Variants in CNTRL observed in about 807,000 individuals in gnomAD.
The protein encoded by CNTRL is centriolin, also known as 110 kDa centrosomal protein.
In CNTRL, 233 loss-of-function variants were observed where a neutral mutation model predicts 303.7. The observed-to-expected ratio is 0.77, with a 90% confidence interval of 0.69 to 0.86. CNTRL has a LOEUF of 0.86. Among genes scored for constraint, CNTRL ranks in the 40% least tolerant of loss-of-function variants. The pLI, the probability that CNTRL is intolerant of heterozygous loss-of-function variation, is 0.00. For synonymous variants in CNTRL, 900 were observed against 922.2 expected (o/e 0.98, Z 0.44); for missense variants, 2,524 against 2,650.6 (o/e 0.95, Z 1.05).
intron 2 of CNTRL, among the ~76,000 whole-genome samples, chr9:121,087,834 C>T (rs2048406265): frequency 6.6e-6 from 1 of 152,114 alleles, no homozygotes; most frequent in African/African-American, 2.4e-5. Context: ...CAAGGAGGAA[C>T]AAAAGCCAGC....
intron 27 of CNTRL, 137 bp downstream of exon 27, chr9:121,155,050 C>T (rs2052493263): frequency 4.1e-6 from 3 of 725,482 alleles, no homozygotes; most frequent in Non-Finnish European, 7.3e-6. Flanking sequence ...AGGCTGGACT[C>T]TGCTAGTTAA....
rs765481664 is a variant in CNTRL at position 121,175,148 on chromosome 9, C to T, written c.6878C>T (p.Ala2293Val). Residue 2293 changes from alanine (A) to valine (V), a missense_variant, in exon 43 of 44, where the codon GCA (alanine) becomes GTA (valine). Transcript: ENST00000373855. The part of the protein sequence containing the change: ...ALGELVTSTS[A>V]DSASSPSLSQ... Reference sequence around the variant, plus strand: ...GGGGAATTGGTCACCAGCACCTCTGCAGATTCAGCGTCATCACCCAGTCTG... The same window carrying T: ...GGGGAATTGGTCACCAGCACCTCTGTAGATTCAGCGTCATCACCCAGTCTG... The T allele has an allele frequency of 2.5e-6, 4 of 1,614,028 alleles. No homozygotes were observed. The highest frequency in any genetic ancestry group is 2.5e-6 in the Non-Finnish European group (3 of 1,180,036).
chr9:121,095,674 GA>G (rs1181893612), intron 5 of CNTRL, among the ~76,000 whole-genome samples: 1 of 151,556 alleles, frequency 6.6e-6, no homozygotes. Flanking sequence ...AAACTGAAAT[GA>G]AAAAAAATGA....
chr9:121,112,504 T>C lies in CNTRL; in HGVS notation c.1048T>C (p.Tyr350His), dbSNP rs1482511933. 2 of 1,612,800 alleles carry C rather than the reference T, an allele frequency of 1.2e-6. No individual in the cohort carries two copies. The highest frequency in any genetic ancestry group is 2.7e-5 in the African/African-American group (2 of 74,850). ...IELTRACQKQYELEQELAFYK... is the reference protein window; with the variant it reads ...IELTRACQKQHELEQELAFYK... Reference sequence around the variant, plus strand: ...ATTAACACGAGCATGTCAGAAGCAATATGAGCTGGAACAGGAATTGGCCTT... The same window carrying C: ...ATTAACACGAGCATGTCAGAAGCAACATGAGCTGGAACAGGAATTGGCCTT... The change falls in exon 9 of 44, where the codon TAT (tyrosine) becomes CAT (histidine). Residue 350 changes from tyrosine (Y) to histidine (H), a missense_variant. By Grantham distance (83) the Tyr-to-His change is moderately conservative. Coordinates refer to ENST00000373855, the MANE Select transcript of CNTRL (RefSeq NM_007018.6).
intron 1 of CNTRL, among the ~76,000 whole-genome samples, chr9:121,078,880 G>T (rs980741758): frequency 6.6e-6 from 1 of 152,228 alleles, no homozygotes; most frequent in Non-Finnish European, 1.5e-5. Context: ...CCCTCTCTGG[G>T]TGGATTCCCC....
chr9:121,158,583 A>G (rs866491026), intron 30 of CNTRL: 8 of 335,092 alleles, frequency 2.4e-5, no homozygotes, highest in Middle Eastern at 8.3e-4. Context: ...GGGTATAAAA[A>G]TAAAAGTTCT....
chr9:121,147,377 C>T (rs1204613990), intron 23 of CNTRL, among the ~76,000 whole-genome samples: 2 of 152,070 alleles, frequency 1.3e-5, no homozygotes, highest in Admixed American at 1.3e-4. Flanking sequence ...TTATGTAGGC[C>T]ATGAGAAATG....
At chr9:121,127,631 T>A (rs1015119940) in intron 14 of CNTRL, among the ~76,000 whole-genome samples, 1 of 152,160 alleles carries the variant, frequency 6.6e-6, no homozygotes, top group Non-Finnish European at 1.5e-5. Flanking sequence ...TCTCCTCATA[T>A]GTAATTTCTA....
At chr9:121,170,786 A>G (rs2053271760) in intron 39 of CNTRL, among the ~76,000 whole-genome samples, 1 of 152,148 alleles carries the variant, frequency 6.6e-6, no homozygotes, top group Admixed American at 6.5e-5. Context: ...AGTGCCTACA[A>G]ATTTTTCTCA....
chr9:121,174,059 C>G (rs978660215), intron 42 of CNTRL, among the ~76,000 whole-genome samples: 4 of 152,116 alleles, frequency 2.6e-5, no homozygotes, highest in Non-Finnish European at 4.4e-5. Context: ...TTATCATAGG[C>G]CAGTGGTGGC....
intron 34 of CNTRL, 165 bp downstream of exon 34, chr9:121,162,436 CTT>C (rs373673435): frequency 0.02 from 10,301 of 509,268 alleles, no homozygotes; most frequent in East Asian, 0.025. Flanking sequence ...TTCCTTCTAG[CTT>C]TTTTTTTTTT....
intron 26 of CNTRL, among the ~76,000 whole-genome samples, chr9:121,154,047 A>G (rs1177619054): frequency 2.6e-5 from 4 of 152,226 alleles, no homozygotes; most frequent in African/African-American, 9.6e-5. Flanking sequence ...TAAAAGTGTA[A>G]TAAATACTAT....
chr9:121,170,635 T>A (rs2053265860), intron 39 of CNTRL, among the ~76,000 whole-genome samples: 1 of 152,078 alleles, frequency 6.6e-6, no homozygotes, highest in African/African-American at 2.4e-5. Flanking sequence ...TTTGTATTTT[T>A]AGTAGAGACG....
At position 121,142,179 on chromosome 9, in the gene CNTRL, A is replaced by G. The variant is rs1448018487; in HGVS notation, c.2780A>G (p.Glu927Gly). 2.5e-6 allele frequency: 4 copies of G among 1,613,298 alleles called. No individual in the cohort carries two copies. In the South Asian group the frequency reaches 4.4e-5, roughly 18 times the overall value. ...TTGCAAGAAAATCTAAAAAGTATGG[A>G]GGAAATCCAAGGCCTTACAGATCTC... is the stretch of plus-strand genomic sequence containing the variant. ...HYLQENLKSM[E>G]EIQGLTDLQL... The change falls in exon 19 of 44, where the codon GAG becomes GGG. Residue 927 changes from glutamate to glycine, a missense_variant. Glu to Gly is a moderately conservative substitution (Grantham distance 98). Transcript: ENST00000373855.
rs760753373 is a variant in CNTRL at position 121,090,298 on chromosome 9, A to G, written c.241A>G (p.Arg81Gly). The stretch of plus-strand genomic sequence containing the variant: ...AGGAGCTGATTCACATGCAGGAGTT[A>G]GATATATTACAGAGGCCCTCATTAA... ...HKGADSHAGVRYITEALIKKL... is the reference protein window; with the variant it reads ...HKGADSHAGVGYITEALIKKL... The change falls in exon 4 of 44, where the codon AGA (arginine) becomes GGA (glycine). Residue 81 changes from arginine to glycine, a missense_variant. Physicochemically the swap from Arg to Gly is moderately radical, Grantham distance 125 (BLOSUM62 -2). Transcript: ENST00000373855. 7 of 1,609,308 alleles carry G rather than the reference A, an allele frequency of 4.3e-6. No homozygotes were observed. In the Admixed American group the frequency reaches 8.4e-5, roughly 19 times the overall value.
chr9:121,170,543 C>A (rs1481706681), intron 39 of CNTRL, among the ~76,000 whole-genome samples: 1 of 152,124 alleles, frequency 6.6e-6, no homozygotes, highest in African/African-American at 2.4e-5. Context: ...GCAACCTCCA[C>A]CTCCCAGGTT....
Position 121,110,692 on chromosome 9 carries a change from G to A in CNTRL, c.1003-1767G>A, listed in dbSNP as rs573471839. Among the ~76,000 whole-genome samples, 50 of 151,582 alleles carry A rather than the reference G, an allele frequency of 3.3e-4. 1 individual carries two copies. In the South Asian group the frequency reaches 9.2e-3, roughly 28 times the overall value. On this transcript the variant is annotated intron_variant, in intron 8 of 43. Coordinates refer to ENST00000373855, the MANE Select transcript of CNTRL (RefSeq NM_007018.6). ...CTTCTTGGGAAATGTGGTTGTGTGC[G>A]TATGTATTATTTTTTTTTAATGGAT...
In CNTRL at chr9:121,101,085, A is replaced by G. The variant is rs184379595; in HGVS notation, c.808+2513A>G. Among the ~76,000 whole-genome samples the G allele has an allele frequency of 7.2e-3, 1,097 of 152,346 alleles. 11 individuals are homozygous for G. The highest frequency in any genetic ancestry group is 8.6e-3 in the Non-Finnish European group (588 of 68,040). ...AATACAGAACTCTCCACCCCAAATCAACAGAACATACATTCTTCTCAGCAC... is the reference window on the plus strand; with the variant it reads ...AATACAGAACTCTCCACCCCAAATCGACAGAACATACATTCTTCTCAGCAC... On this transcript the variant is annotated intron_variant, in intron 7 of 43. Coordinates refer to ENST00000373855, the MANE Select transcript of CNTRL (RefSeq NM_007018.6).
chr9:121,124,135 G>A lies in CNTRL; in HGVS notation c.1804+51G>A, dbSNP rs752428197. 3 of 1,468,260 alleles carry A rather than the reference G, an allele frequency of 2.0e-6. No individual in the cohort carries two copies. The East Asian group carries it at 7.1e-5, about 35-fold the overall frequency. The allele number at this position is 1,468,260 out of a possible 1,614,324, so 91.0% of individuals were successfully genotyped here. A position where few individuals can be genotyped will look rare whatever the true frequency, so the allele number is the denominator to read the frequency against. ...TAAATCAGTGTTATTGCTGGTAAAA[G>A]AAACATTATAAAGACAAGCATTAAT... On this transcript the variant is annotated intron_variant, in intron 13 of 43. Transcript: ENST00000373855.
Sources: allele counts gnomAD v4.1 joint callset (sites outside exome capture counted in the v4.1 genomes callset), GRCh38; gene constraint gnomAD v4.1.1; transcripts MANE v1.5; gene names NCBI Gene and HGNC (gene_info 2026-07-23, HGNC 2026-07-21).